The following PARD3B variants were observed in gnomAD, a reference collection of about 807,000 sequenced individuals.
PARD3B encodes the protein par-3 family cell polarity regulator beta, also known as partitioning defective 3 homolog B.
In PARD3B, 103 loss-of-function variants were observed where a neutral mutation model predicts 130.2. The ratio of observed to expected loss-of-function variants is 0.79; its 90% CI spans 0.67 to 0.93. The LOEUF (loss-of-function observed/expected upper bound fraction) is 0.93, where lower values mean the gene tolerates loss of function less well. Ranked by LOEUF, PARD3B falls within the 40% of genes least tolerant of loss-of-function variation. PARD3B has a pLI of 0.00. For synonymous variants in PARD3B, 583 were observed against 553.2 expected (o/e 1.05, Z -0.76); for missense variants, 1,609 against 1,499.2 (o/e 1.07, Z -1.21).
intron 7 of PARD3B, among the ~76,000 whole-genome samples, chr2:205,120,409 A>G (rs2030547951): frequency 6.6e-6 from 1 of 152,144 alleles, no homozygotes; most frequent in Admixed American, 6.5e-5. Flanking sequence ...CTTCTCCCCT[A>G]ACAATTTGCA....
At position 205,183,275 on chromosome 2, in the gene PARD3B, C is replaced by T. The variant is rs758878770; in HGVS notation, c.1925-2489C>T. The stretch of plus-strand genomic sequence containing the variant: ...TTGCCAGGATCATAGACCTTTATTC[C>T]GTAGGCAATGTGTGCAGCTGAAGTG... On this transcript the variant is annotated intron_variant, in intron 13 of 22. Transcript: ENST00000406610. The surrounding 1 kb of genome is among the most constrained non-coding windows in gnomAD (Gnocchi z 5.2). Among the ~76,000 whole-genome samples, 1 of 152,034 alleles carries T rather than the reference C, an allele frequency of 6.6e-6. No homozygotes were observed. Among genetic ancestry groups the T allele is most frequent in the Admixed American group, 6.6e-5 (1 of 15,264 alleles).
intron 2 of PARD3B, among the ~76,000 whole-genome samples, chr2:204,731,022 A>G (rs566637780): frequency 6.6e-6 from 1 of 152,208 alleles, no homozygotes; most frequent in Non-Finnish European, 1.5e-5. Flanking sequence ...GGAGGCAGAG[A>G]AATTATTTGA....
chr2:204,834,446 A>G (rs2043954811), intron 2 of PARD3B, among the ~76,000 whole-genome samples: 1 of 152,232 alleles, frequency 6.6e-6, no homozygotes, highest in Admixed American at 6.5e-5. Flanking sequence ...TGCCAAAACA[A>G]GTTAGAATCC....
chr2:204,951,570 A>G (rs2125825887), intron 2 of PARD3B, among the ~76,000 whole-genome samples: 1 of 152,306 alleles, frequency 6.6e-6, no homozygotes, highest in East Asian at 1.9e-4. Context: ...TAATTAGAAC[A>G]TTACTTTTTT....
chr2:205,238,765 G>C (rs539340089), intron 15 of PARD3B, among the ~76,000 whole-genome samples: 2 of 146,038 alleles, frequency 1.4e-5, no homozygotes, highest in Admixed American at 1.4e-4. Context: ...CCAGGAGGCA[G>C]AGGTTGCAGT....
At position 205,176,629 on chromosome 2, in the gene PARD3B, G is replaced by T; in HGVS notation, c.1924+52G>T. On this transcript the variant is annotated intron_variant, in intron 13 of 22. Coordinates refer to ENST00000406610, the MANE Select transcript of PARD3B (RefSeq NM_001302769.2). The surrounding 1 kb of genome is among the most constrained non-coding windows in gnomAD (Gnocchi z 5.3). ...GCAAATGGAGTGAGAAAACACAAAA[G>T]TGTCTTTTTATCTAAAAAAAAAAAA... The T allele has an allele frequency of 2.1e-6, 3 of 1,409,400 alleles. No homozygotes were observed. Among genetic ancestry groups the T allele is most frequent in the Admixed American group, 2.7e-5 (1 of 36,692 alleles). 87.3% of individuals were successfully genotyped at this position (1,409,400 alleles called of 1,614,324 possible).
At chr2:205,190,061 C>T (rs185714961) in intron 14 of PARD3B, among the ~76,000 whole-genome samples, 10 of 152,164 alleles carry the variant, frequency 6.6e-5, no homozygotes, top group African/African-American at 2.4e-4. Context: ...TTTCTTTGAT[C>T]CTTCTTGATT....
intron 4 of PARD3B, among the ~76,000 whole-genome samples, chr2:205,068,855 T>G (rs901681120): frequency 6.6e-6 from 1 of 152,160 alleles, no homozygotes; most frequent in East Asian, 1.9e-4. Context: ...GCTAATTTAA[T>G]TGCATTGTAT....
intron 2 of PARD3B, among the ~76,000 whole-genome samples, chr2:204,696,176 T>C (rs2037600290): frequency 6.6e-6 from 1 of 151,750 alleles, no homozygotes. Context: ...TATCTTAGGT[T>C]AGGAAAAATC....
At chr2:204,653,939 C>T (rs558581585) in intron 1 of PARD3B, among the ~76,000 whole-genome samples, 1 of 151,166 alleles carries the variant, frequency 6.6e-6, no homozygotes, top group South Asian at 2.1e-4. Flanking sequence ...TCCCCAGATA[C>T]AAATGTACAT....
chr2:205,449,495 C>T (rs534641042), intron 20 of PARD3B, among the ~76,000 whole-genome samples: 16 of 152,084 alleles, frequency 1.1e-4, no homozygotes, highest in South Asian at 2.1e-4. Context: ...CCTCCCAAAG[C>T]GCTGGGATTA....
intron 2 of PARD3B, among the ~76,000 whole-genome samples, chr2:204,964,315 C>A (rs533860145): frequency 6.6e-6 from 1 of 152,098 alleles, no homozygotes; most frequent in African/African-American, 2.4e-5. Flanking sequence ...TCAGCAGAGC[C>A]GTCGTCACTG....
intron 2 of PARD3B, among the ~76,000 whole-genome samples, chr2:204,933,607 T>A (rs1688190013): frequency 6.6e-6 from 1 of 152,202 alleles, no homozygotes; most frequent in African/African-American, 2.4e-5. Context: ...CCCAAATTGC[T>A]TGTAATGTTG....
At position 204,673,085 on chromosome 2, in the gene PARD3B, T is replaced by C. The variant is rs2036382795; in HGVS notation, c.121-13096T>C. Among the ~76,000 whole-genome samples the C allele has an allele frequency of 6.6e-6, 1 of 152,200 alleles. No individual in the cohort carries two copies. Among genetic ancestry groups the C allele is most frequent in the Non-Finnish European group, 1.5e-5 (1 of 68,028 alleles). On this transcript the variant is annotated intron_variant, in intron 1 of 22. Coordinates refer to ENST00000406610, the MANE Select transcript of PARD3B (RefSeq NM_001302769.2). This position sits in a 1 kb window ranked among gnomAD's most constrained non-coding sequence, Gnocchi z 4.7. ...TGTTCCCATTTATGAGTGGTAAATTTTGAATTTCAGCCTAGTCTTACTTTA... is the reference window on the plus strand; with the variant it reads ...TGTTCCCATTTATGAGTGGTAAATTCTGAATTTCAGCCTAGTCTTACTTTA...
chr2:204,805,440 G>A (rs1370731544), intron 2 of PARD3B, among the ~76,000 whole-genome samples: 1 of 151,954 alleles, frequency 6.6e-6, no homozygotes, highest in Non-Finnish European at 1.5e-5. Flanking sequence ...TCTTAGCAAA[G>A]AAAAGCCTGG....
chr2:205,178,176 A>T (rs1381768584), intron 13 of PARD3B, among the ~76,000 whole-genome samples: 1 of 145,914 alleles, frequency 6.9e-6, no homozygotes, highest in African/African-American at 2.5e-5. Context: ...AAAAAAAAAA[A>T]AATTAGTCTG....
intron 3 of PARD3B, among the ~76,000 whole-genome samples, chr2:204,990,869 AG>A (rs1327475414): frequency 6.6e-6 from 1 of 152,218 alleles, no homozygotes; most frequent in African/African-American, 2.4e-5. Context: ...TACTTTACAT[AG>A]GATAACTTTT....
chr2:204,679,400 G>C (rs76992100), intron 1 of PARD3B, among the ~76,000 whole-genome samples: 2,726 of 152,186 alleles, frequency 0.018, 41 homozygotes, highest in Middle Eastern at 0.071. Context: ...TTCAGTTACT[G>C]CCAGTTTTCC....
intron 21 of PARD3B, among the ~76,000 whole-genome samples, chr2:205,510,159 T>C (rs186127492): frequency 8.7e-4 from 132 of 152,312 alleles, no homozygotes; most frequent in Non-Finnish European, 1.6e-3. Context: ...CCTGTCTCCT[T>C]TAAAAGTGAG....
Sources: gnomAD v4.1 joint callset for allele counts (sites outside exome capture counted in the v4.1 genomes callset) on GRCh38, gnomAD v4.1.1 for gene constraint, Gnocchi (gnomAD v3.1) non-coding constraint, MANE v1.5 for transcripts, NCBI Gene and HGNC (gene_info 2026-07-23, HGNC 2026-07-21) for gene names.